CRADD: variants seen among roughly 807,000 people sequenced by gnomAD.
CRADD encodes the protein CARD and death domain containing adaptor protein, also known as death domain-containing protein CRADD.
CRADD carries 9 observed loss-of-function variants against 15.5 expected under a neutral mutation model. That is an observed-to-expected ratio of 0.58 (90% CI 0.35 to 1.01). The LOEUF (loss-of-function observed/expected upper bound fraction) is 1.01, where lower values mean the gene tolerates loss of function less well. Among genes scored for constraint, CRADD ranks in the 50% least tolerant of loss-of-function variants. The pLI is 0.02. For synonymous variants in CRADD, 118 were observed against 107.6 expected (o/e 1.10, Z -0.60); for missense variants, 227 against 250.3 (o/e 0.91, Z 0.63).
At chr12:93,807,581 C>T (rs908514495) in intron 2 of CRADD, among the ~76,000 whole-genome samples, 10 of 152,054 alleles carry the variant, frequency 6.6e-5, no homozygotes, top group East Asian at 3.9e-4. Flanking sequence ...CAAAGTTCCA[C>T]GTTTGTGAAG....
At chr12:93,879,448 G>T (rs1958479718) in intron 2 of CRADD, among the ~76,000 whole-genome samples, 1 of 152,142 alleles carries the variant, frequency 6.6e-6, no homozygotes. Context: ...AAATTGATCT[G>T]CATTGGTAAC....
chr12:93,806,805 A>G (rs191499155), intron 2 of CRADD, among the ~76,000 whole-genome samples: 82 of 152,292 alleles, frequency 5.4e-4, no homozygotes, highest in Admixed American at 1.2e-3. Flanking sequence ...ACCTTATTGA[A>G]TAACATGTTA....
chr12:93,870,319 A>G (rs1958407484), intron 2 of CRADD, among the ~76,000 whole-genome samples: 3 of 152,196 alleles, frequency 2.0e-5, no homozygotes, highest in South Asian at 2.1e-4. Flanking sequence ...CACTTGAACC[A>G]TGACTTGCTC....
At chr12:93,701,143 C>T (rs189877478) in intron 2 of CRADD, among the ~76,000 whole-genome samples, 178 of 152,110 alleles carry the variant, frequency 1.2e-3, no homozygotes, top group African/African-American at 3.4e-3. Context: ...TAATATGGCC[C>T]GACCTTATCT....
intron 2 of CRADD, among the ~76,000 whole-genome samples, chr12:93,725,400 C>T (rs1956342280): frequency 6.6e-6 from 1 of 152,104 alleles, no homozygotes; most frequent in South Asian, 2.1e-4. Context: ...CTCACACTGT[C>T]CTGTTTTGAA....
At chr12:93,784,840 T>G (rs1306606344) in intron 2 of CRADD, among the ~76,000 whole-genome samples, 2 of 152,154 alleles carry the variant, frequency 1.3e-5, no homozygotes, top group Non-Finnish European at 2.9e-5. Flanking sequence ...AGCAATGAAA[T>G]AAAAACAAAT....
intron 2 of CRADD, among the ~76,000 whole-genome samples, chr12:93,834,995 A>G (rs1422122289): frequency 1.3e-5 from 2 of 152,190 alleles, no homozygotes; most frequent in South Asian, 2.1e-4. Context: ...TTTTGTTACT[A>G]ATTTAAAATT....
intron 2 of CRADD, among the ~76,000 whole-genome samples, chr12:93,758,482 T>C (rs1251689074): frequency 6.6e-6 from 1 of 152,072 alleles, no homozygotes; most frequent in African/African-American, 2.4e-5. Context: ...GACTTTTAAA[T>C]TAATATTAAT....
chr12:93,786,320 C>T lies in CRADD; in HGVS notation c.299-63650C>T, dbSNP rs140915820. ...CTCTGCCCTCTAAGGAATGTGTAAA[C>T]GTATACATCTGTATTTAACTTCTCA... On this transcript the variant is annotated intron_variant, in intron 2 of 2. Transcript: ENST00000332896. 3.6e-3 allele frequency among the ~76,000 whole-genome samples: 552 copies of T among 152,226 alleles called. 4 individuals are homozygous for T. Among genetic ancestry groups the T allele is most frequent in the African/African-American group, 0.013 (526 of 41,548 alleles).
intron 2 of CRADD, among the ~76,000 whole-genome samples, chr12:93,791,098 A>G (rs140336132): frequency 1.1e-3 from 163 of 152,274 alleles, no homozygotes; most frequent in African/African-American, 3.8e-3. Flanking sequence ...ACCATTATGG[A>G]AAACAGTATG....
intron 2 of CRADD, among the ~76,000 whole-genome samples, chr12:93,856,829 C>G (rs898809375): frequency 6.6e-6 from 1 of 152,128 alleles, no homozygotes; most frequent in African/African-American, 2.4e-5. Flanking sequence ...TTATGACATC[C>G]CTATCCCTTT....
At chr12:93,857,349 G>T (rs555232756) in intron 2 of CRADD, among the ~76,000 whole-genome samples, 60 of 152,324 alleles carry the variant, frequency 3.9e-4, no homozygotes, top group South Asian at 2.7e-3. Context: ...TCTAGAAGAT[G>T]AATCAATTTT....
intron 2 of CRADD, among the ~76,000 whole-genome samples, chr12:93,857,423 C>A (rs1316757642): frequency 6.6e-6 from 1 of 152,178 alleles, no homozygotes; most frequent in African/African-American, 2.4e-5. Context: ...AATTCAAGGA[C>A]AACAAATGCC....
At chr12:93,881,152 C>T (rs767910353) in intron 2 of CRADD, among the ~76,000 whole-genome samples, 2 of 152,190 alleles carry the variant, frequency 1.3e-5, no homozygotes, top group African/African-American at 4.8e-5. Flanking sequence ...TCTGTGACAA[C>T]ATCTATGTGA....
At position 93,678,868 on chromosome 12, in the gene CRADD, C is replaced by G; in HGVS notation, c.94C>G (p.Gln32Glu). ...GGGACTGGTTCTTCAGTACCTCTACCAGGAAGGAATCTTGACGGAAAACCA... is the reference window on the plus strand; with the variant it reads ...GGGACTGGTTCTTCAGTACCTCTACGAGGAAGGAATCTTGACGGAAAACCA... Reference protein sequence around the residue: ...VEGLVLQYLYQEGILTENHIQ... With the variant: ...VEGLVLQYLYEEGILTENHIQ... Residue 32 changes from glutamine to glutamate, a missense_variant, in exon 2 of 3, where the codon CAG becomes GAG. Coordinates refer to ENST00000332896, the MANE Select transcript of CRADD (RefSeq NM_003805.5). 6.2e-7 allele frequency: 1 copy of G among 1,614,182 alleles called. No individual in the cohort carries two copies. The highest frequency in any genetic ancestry group is 8.5e-7 in the Non-Finnish European group (1 of 1,180,036).
intron 2 of CRADD, among the ~76,000 whole-genome samples, chr12:93,845,276 A>G (rs1173775408): frequency 6.6e-6 from 1 of 152,222 alleles, no homozygotes; most frequent in African/African-American, 2.4e-5. Flanking sequence ...GGTTCCCTAT[A>G]AAGTGAGGAG....
chr12:93,787,982 T>C (rs540223622), intron 2 of CRADD, among the ~76,000 whole-genome samples: 2 of 152,282 alleles, frequency 1.3e-5, no homozygotes, highest in South Asian at 4.1e-4. Context: ...CTTTTCCTTG[T>C]AGGATTATTT....
intron 2 of CRADD, among the ~76,000 whole-genome samples, chr12:93,778,468 C>T (rs1222133586): frequency 2.0e-5 from 3 of 152,154 alleles, no homozygotes; most frequent in Admixed American, 2.0e-4. Flanking sequence ...AGTAACTAAG[C>T]TTAGCCATAC....
chr12:93,799,338 CA>C (rs1957453239), intron 2 of CRADD, among the ~76,000 whole-genome samples: 1 of 152,136 alleles, frequency 6.6e-6, no homozygotes, highest in African/African-American at 2.4e-5. Context: ...CACATTCAGA[CA>C]ATTTGAAATG....
Sources: gnomAD v4.1 joint callset for allele counts (sites outside exome capture counted in the v4.1 genomes callset) on GRCh38, gnomAD v4.1.1 for gene constraint, MANE v1.5 for transcripts, NCBI Gene and HGNC (gene_info 2026-07-23, HGNC 2026-07-21) for gene names.